The following ARHGEF4 variants were observed in gnomAD, a reference collection of about 807,000 sequenced individuals.
ARHGEF4 encodes the protein Rho guanine nucleotide exchange factor 4.
In ARHGEF4, 119 loss-of-function variants were observed where a neutral mutation model predicts 162.0. That is an observed-to-expected ratio of 0.73 (90% CI 0.63 to 0.86). The LOEUF (loss-of-function observed/expected upper bound fraction) is 0.86. ARHGEF4 is among the 40% of genes least tolerant of loss of function. The probability of loss-of-function intolerance (pLI) is 0.00; values close to 1 mark genes in which losing one functional copy is unlikely to be tolerated. For synonymous variants in ARHGEF4, 1,014 were observed against 979.9 expected (o/e 1.03, Z -0.65); for missense variants, 2,488 against 2,456.0 (o/e 1.01, Z -0.28).
intron 2 of ARHGEF4, chr2:130,929,730 T>C (rs1682507910): frequency 5.2e-6 from 1 of 193,996 alleles, no homozygotes; most frequent in Non-Finnish European, 1.1e-5. Context: ...TAAGAAATTA[T>C]AGCAAAAACA....
intron 1 of ARHGEF4, among the ~76,000 whole-genome samples, chr2:130,884,009 C>T (rs1407848411): frequency 6.6e-6 from 1 of 152,126 alleles, no homozygotes; most frequent in Non-Finnish European, 1.5e-5. Context: ...CTATCGTCAT[C>T]ACCAACATCA....
chr2:131,037,149 G>A (rs576843598), intron 5 of ARHGEF4, among the ~76,000 whole-genome samples: 1 of 152,324 alleles, frequency 6.6e-6, no homozygotes, highest in African/African-American at 2.4e-5. Flanking sequence ...CAGCCCCCGC[G>A]TGGCTGCCGC....
intron 4 of ARHGEF4, chr2:130,964,208 C>T (rs1449367114): frequency 4.1e-6 from 4 of 985,298 alleles, no homozygotes; most frequent in Admixed American, 6.2e-5. Flanking sequence ...GGCGCCGTGT[C>T]CCGCTCCTGG....
At chr2:130,867,935 T>TC (rs1682408083) in intron 1 of ARHGEF4, among the ~76,000 whole-genome samples, 1 of 146,532 alleles carries the variant, frequency 6.8e-6, no homozygotes, top group Non-Finnish European at 1.5e-5. Context: ...TTTTTTTTTT[T>TC]CTTTTTTTTT....
At chr2:131,028,529 G>A (rs560476494) in intron 5 of ARHGEF4, among the ~76,000 whole-genome samples, 1 of 152,348 alleles carries the variant, frequency 6.6e-6, no homozygotes, top group Admixed American at 6.5e-5. Context: ...CAGAAGTATT[G>A]CTGTTGCTAT....
Position 131,041,876 on chromosome 2 carries a change from G to A in ARHGEF4, c.4957G>A (p.Glu1653Lys), listed in dbSNP as rs1213361895. The change falls in exon 10 of 14, where the codon GAG becomes AAG. Residue 1653 changes from glutamate (E) to lysine (K), a missense_variant. Glu to Lys is a moderately conservative substitution (Grantham distance 56, BLOSUM62 1). Transcript: ENST00000409359. ...AMKNVAQLINERKRRLENIDK... is the reference protein window; with the variant it reads ...AMKNVAQLINKRKRRLENIDK... ...GAAGAACGTGGCCCAGCTCATCAAC[G>A]AGCGGAAGCGGAGACTTGAGAACAT... 1.2e-6 allele frequency: 2 copies of A among 1,613,632 alleles called. No individual in the cohort carries two copies. Among genetic ancestry groups the A allele is most frequent in the Admixed American group, 1.7e-5 (1 of 60,028 alleles).
intron 3 of ARHGEF4, among the ~76,000 whole-genome samples, chr2:130,935,836 G>T (rs960114102): frequency 6.6e-6 from 1 of 152,222 alleles, no homozygotes; most frequent in Non-Finnish European, 1.5e-5. Context: ...GGAGGCTAAG[G>T]CAGGTAGATC....
chr2:130,943,972 A>G (rs1373246127), intron 3 of ARHGEF4, among the ~76,000 whole-genome samples: 4 of 152,148 alleles, frequency 2.6e-5, no homozygotes, highest in Non-Finnish European at 2.9e-5. Context: ...TTGCTTTAGA[A>G]TAGGTATACT....
At chr2:131,032,709 A>G (rs1160282550) in intron 5 of ARHGEF4, among the ~76,000 whole-genome samples, 1 of 150,572 alleles carries the variant, frequency 6.6e-6, no homozygotes, top group African/African-American at 2.5e-5. Context: ...CCAGACACCT[A>G]TGTCTCCCTT....
chr2:130,974,636 A>AT (rs113154807), intron 4 of ARHGEF4, among the ~76,000 whole-genome samples: 10,410 of 117,918 alleles, frequency 0.088, 1,127 homozygotes, highest in African/African-American at 0.27. Flanking sequence ...TTTTTTTTGT[A>AT]TTTTTTGTAG....
intron 1 of ARHGEF4, among the ~76,000 whole-genome samples, chr2:130,885,633 A>G (rs77860263): frequency 0.017 from 2,407 of 142,916 alleles, 83 homozygotes; most frequent in African/African-American, 0.059. Context: ...GCAGTTGTGC[A>G]ATCTCGGCTC....
chr2:131,043,127 A>C (rs1304714838), intron 10 of ARHGEF4, among the ~76,000 whole-genome samples: 2 of 151,482 alleles, frequency 1.3e-5, no homozygotes, highest in African/African-American at 4.9e-5. Flanking sequence ...ATCATTAATG[A>C]AATATTTTAC....
intron 4 of ARHGEF4, among the ~76,000 whole-genome samples, chr2:130,987,003 G>C (rs528468072): frequency 2.7e-4 from 41 of 152,342 alleles, no homozygotes; most frequent in African/African-American, 9.9e-4. Flanking sequence ...GCCAACGCTG[G>C]CTCTTCTGTG....
chr2:130,917,635 C>G, intron 2 of ARHGEF4, 137 bp downstream of exon 2: 1 of 1,114,044 alleles, frequency 9.0e-7, no homozygotes, highest in Non-Finnish European at 1.2e-6. Flanking sequence ...CTCCCAGCCG[C>G]CCCCCCTCCC....
At chr2:130,958,674 T>C (rs1301412850) in intron 4 of ARHGEF4, among the ~76,000 whole-genome samples, 1 of 151,990 alleles carries the variant, frequency 6.6e-6, no homozygotes, top group African/African-American at 2.4e-5. Context: ...CCTCCCAAAG[T>C]GCTGGGATTA....
At chr2:130,844,737 G>C (rs1350672682) in intron 1 of ARHGEF4, among the ~76,000 whole-genome samples, 1 of 151,966 alleles carries the variant, frequency 6.6e-6, no homozygotes, top group Admixed American at 6.6e-5. Context: ...AAAACCAAGG[G>C]AAAGCATGTG....
intron 1 of ARHGEF4, among the ~76,000 whole-genome samples, chr2:130,867,815 G>A (rs1316420303): frequency 1.3e-5 from 2 of 152,060 alleles, no homozygotes; most frequent in South Asian, 2.1e-4. Flanking sequence ...CCTTCTCCCC[G>A]GTCCCACTGC....
intron 2 of ARHGEF4, among the ~76,000 whole-genome samples, chr2:130,925,035 AGTGTGTGTGT>A (rs55986926): frequency 0.052 from 7,104 of 137,894 alleles, 453 homozygotes; most frequent in African/African-American, 0.15. Flanking sequence ...AGGAGTTCTA[AGTGTGTGTGT>A]GTGTGTGTGT....
intron 5 of ARHGEF4, among the ~76,000 whole-genome samples, chr2:131,029,846 ACT>A (rs1013370604): frequency 1.3e-5 from 2 of 152,110 alleles, no homozygotes; most frequent in African/African-American, 4.8e-5. Context: ...AAGCCACCAC[ACT>A]CGGCCAGTTG....
Sources: allele counts gnomAD v4.1 joint callset (sites outside exome capture counted in the v4.1 genomes callset), GRCh38; gene constraint gnomAD v4.1.1; transcripts MANE v1.5; gene names NCBI Gene and HGNC (gene_info 2026-07-23, HGNC 2026-07-21).